TGM3: variants seen among roughly 807,000 people sequenced by gnomAD.
TGM3 encodes transglutaminase 3.
Under a neutral mutation model 73.8 loss-of-function variants are expected in TGM3, and 52 were observed. That is an observed-to-expected ratio of 0.70 (90% CI 0.56 to 0.89). The LOEUF (loss-of-function observed/expected upper bound fraction) is 0.89. Among genes scored for constraint, TGM3 ranks in the 40% least tolerant of loss-of-function variants. The probability of loss-of-function intolerance (pLI) is 0.00; values close to 1 mark genes in which losing one functional copy is unlikely to be tolerated. For synonymous variants in TGM3, 372 were observed against 354.9 expected (o/e 1.05, Z -0.54); for missense variants, 928 against 909.9 (o/e 1.02, Z -0.26).
At position 2,310,391 on chromosome 20, in the gene TGM3, T is replaced by C; in HGVS notation, c.395T>C (p.Ile132Thr). The change falls in exon 3 of 13, where the codon ATA becomes ACA. Residue 132 changes from isoleucine (I) to threonine (T), a missense_variant. Transcript: ENST00000381458. Reference sequence around the variant, plus strand: ...TCCTCTGTGAAACTTGGGACGTTCATACTGCTTTTTAACCCCTGGCTGAAT... The same window carrying C: ...TCCTCTGTGAAACTTGGGACGTTCACACTGCTTTTTAACCCCTGGCTGAAT... The part of the protein sequence containing the change: ...GISSVKLGTF[I>T]LLFNPWLNVD... 1 of 1,614,244 alleles carries C rather than the reference T, an allele frequency of 6.2e-7. No individual in the cohort carries two copies. The highest frequency in any genetic ancestry group is 8.5e-7 in the Non-Finnish European group (1 of 1,180,032).
At chr20:2,340,297 A>C in intron 12 of TGM3, 137 bp from the exon 13 acceptor site, 1 of 1,331,570 alleles carries the variant, frequency 7.5e-7, no homozygotes, top group South Asian at 1.4e-5. Flanking sequence ...CGTAACCCAG[A>C]GAGACAGCTA....
chr20:2,298,344 G>A (rs574701769), intron 1 of TGM3, among the ~76,000 whole-genome samples: 2 of 152,150 alleles, frequency 1.3e-5, no homozygotes, highest in Non-Finnish European at 2.9e-5. Context: ...CAGTTTGTGA[G>A]CACAGAGGAG....
Position 2,317,185 on chromosome 20 carries a change from T to C in TGM3, c.787T>C (p.Ser263Pro). 1 of 1,614,014 alleles carries C rather than the reference T, an allele frequency of 6.2e-7. No individual in the cohort carries two copies. Among genetic ancestry groups the C allele is most frequent in the Non-Finnish European group, 8.5e-7 (1 of 1,180,016 alleles). The stretch of plus-strand genomic sequence containing the variant: ...GGAGATCCTCAAAAATTGGAAAAAA[T>C]CTGGCTTCAGCCCAGTCCGATATGG... ...SVEILKNWKK[S>P]GFSPVRYGQC... The change falls in exon 6 of 13, where the codon TCT becomes CCT. Residue 263 changes from serine (S) to proline (P), a missense_variant. Transcript: ENST00000381458.
chr20:2,328,064 G>A lies in TGM3; in HGVS notation c.1088-56G>A. 6.2e-7 allele frequency: 1 copy of A among 1,607,576 alleles called. No individual in the cohort carries two copies. The highest frequency in any genetic ancestry group is 8.5e-7 in the Non-Finnish European group (1 of 1,175,722). ...GTCCTGGAAGGCCCTGGGGAATCGG[G>A]CACTGGGTAGGTTGTGGCCTTGGCA... On this transcript the variant is annotated intron_variant, in intron 8 of 12. Coordinates refer to ENST00000381458, the MANE Select transcript of TGM3 (RefSeq NM_003245.4). This position sits in a 1 kb window ranked among gnomAD's most constrained non-coding sequence, Gnocchi z 5.2.
At chr20:2,310,439 C>T in intron 3 of TGM3, 22 bp downstream of exon 3, 2 of 1,612,958 alleles carry the variant, frequency 1.2e-6, no homozygotes, top group Non-Finnish European at 1.7e-6. Context: ...GCCACCCACA[C>T]TCTCAGCCCT....
At chr20:2,335,048 T>C (rs368711322) in intron 10 of TGM3, 68 bp from the exon 11 acceptor site, 26 of 1,581,504 alleles carry the variant, frequency 1.6e-5, no homozygotes, top group East Asian at 6.7e-5. Context: ...GCTTGGCATC[T>C]GTTCTGAGGA....
At chr20:2,314,528 CAT>C (rs1248790185) in intron 5 of TGM3, among the ~76,000 whole-genome samples, 1 of 97,160 alleles carries the variant, frequency 1.0e-5, no homozygotes. Flanking sequence ...CTCATCTACA[CAT>C]ACACACACAC....
Position 2,311,104 on chromosome 20 carries a change from G to T in TGM3, c.515G>T (p.Gly172Val), listed in dbSNP as rs2084201340. Residue 172 changes from glycine to valine, a missense_variant, in exon 4 of 13, where the codon GGC (glycine) becomes GTC (valine). Transcript: ENST00000381458. ...IIFVGSTNRIGMIGWNFGQFE... is the reference protein window; with the variant it reads ...IIFVGSTNRIVMIGWNFGQFE... ...TTTGTGGGAAGCACAAACCGAATTG[G>T]CATGATTGGCTGGAACTTTGGACAG... 1 of 1,614,112 alleles carries T rather than the reference G, an allele frequency of 6.2e-7. No individual in the cohort carries two copies. Among genetic ancestry groups the T allele is most frequent in the Non-Finnish European group, 8.5e-7 (1 of 1,179,982 alleles).
chr20:2,337,485 G>T (rs146668858), intron 11 of TGM3, among the ~76,000 whole-genome samples: 477 of 152,240 alleles, frequency 3.1e-3, no homozygotes, highest in African/African-American at 0.011. Context: ...TTGGGAAGCC[G>T]AGGCAGGTGG....
rs1400180548 is a variant in TGM3, at chr20:2,338,610, C to T, written c.1801-1244C>T. Among the ~76,000 whole-genome samples, 6 of 152,346 alleles carry T rather than the reference C, an allele frequency of 3.9e-5. No individual in the cohort carries two copies. The East Asian group carries it at 1.2e-3, about 29-fold the overall frequency. ...AGGCTTTAGATCCAGCTGGGCTCTG[C>T]TGTTTCCTTGTGTGTGAATGTTCCA... On this transcript the variant is annotated intron_variant, in intron 11 of 12. Coordinates refer to ENST00000381458, the MANE Select transcript of TGM3 (RefSeq NM_003245.4).
intron 8 of TGM3, among the ~76,000 whole-genome samples, chr20:2,326,546 A>G (rs1428636081): frequency 2.0e-5 from 3 of 152,220 alleles, no homozygotes; most frequent in Non-Finnish European, 4.4e-5. Flanking sequence ...GTTCTTTGAA[A>G]CATTAAAAAG....
At chr20:2,313,653 T>A (rs1050883784) in intron 5 of TGM3, among the ~76,000 whole-genome samples, 4 of 150,114 alleles carry the variant, frequency 2.7e-5, no homozygotes, top group African/African-American at 9.8e-5. Flanking sequence ...TCACACACAC[T>A]CTCTCTCTCT....
intron 9 of TGM3, among the ~76,000 whole-genome samples, chr20:2,331,074 T>C (rs1046655489): frequency 6.6e-6 from 1 of 151,352 alleles, no homozygotes; most frequent in Admixed American, 6.6e-5. Flanking sequence ...TCCAGTGCCT[T>C]AAGCATTTCA....
intron 1 of TGM3, among the ~76,000 whole-genome samples, chr20:2,306,753 A>T (rs1278936063): frequency 6.6e-6 from 1 of 152,152 alleles, no homozygotes; most frequent in African/African-American, 2.4e-5. Context: ...CTGGGATTAC[A>T]GGTGTGAGCC....
chr20:2,337,344 C>T (rs1180727280), intron 11 of TGM3, among the ~76,000 whole-genome samples: 2 of 152,176 alleles, frequency 1.3e-5, no homozygotes, highest in African/African-American at 4.8e-5. Context: ...CATTCCAACT[C>T]CTGAGGCTAG....
At chr20:2,301,901 A>G (rs2084150313) in intron 1 of TGM3, among the ~76,000 whole-genome samples, 1 of 152,166 alleles carries the variant, frequency 6.6e-6, no homozygotes, top group Non-Finnish European at 1.5e-5. Flanking sequence ...GGGTTTTGCC[A>G]TGTTGGCCAG....
intron 7 of TGM3, among the ~76,000 whole-genome samples, chr20:2,322,315 G>A (rs1222297068): frequency 6.6e-6 from 1 of 152,032 alleles, no homozygotes; most frequent in African/African-American, 2.4e-5. Context: ...ACAGAATTGG[G>A]ATGATACATT....
At position 2,317,130 on chromosome 20, in the gene TGM3, C is replaced by T. The variant is rs778654984; in HGVS notation, c.732C>T (p.Gly244=). The stretch of plus-strand genomic sequence containing the variant: ...ATTGGAGCGGCACTTACACCGGTGG[C>T]CGGGACCCAAGGAGCTGGAACGGCA... ...AGNWSGTYTG[G]RDPRSWNGSV... is the part of the protein sequence containing the mutation. The change falls in exon 6 of 13, where the codon GGC becomes GGT. Residue 244 remains glycine (G), a synonymous_variant. Transcript: ENST00000381458. The T allele has an allele frequency of 2.5e-6, 4 of 1,613,882 alleles. No individual in the cohort carries two copies. The highest frequency in any genetic ancestry group is 1.1e-5 in the South Asian group (1 of 91,078).
chr20:2,329,590 G>A (rs1332077719), intron 9 of TGM3, among the ~76,000 whole-genome samples: 1 of 152,120 alleles, frequency 6.6e-6, no homozygotes, highest in Non-Finnish European at 1.5e-5. Context: ...GGAGGTGTGG[G>A]GATGTAGGAC....
Sources: allele counts gnomAD v4.1 joint callset (sites outside exome capture counted in the v4.1 genomes callset), GRCh38; gene constraint gnomAD v4.1.1; non-coding constraint Gnocchi (gnomAD v3.1); transcripts MANE v1.5; gene names NCBI Gene and HGNC (gene_info 2026-07-23, HGNC 2026-07-21).